C6orf132: variants seen among roughly 807,000 people sequenced by gnomAD.
C6orf132 encodes the protein chromosome 6 open reading frame 132.
Under a neutral mutation model 65.3 loss-of-function variants are expected in C6orf132, and 43 were observed. That is an observed-to-expected ratio of 0.66 (90% CI 0.52 to 0.85). The LOEUF is 0.85. Ranked by LOEUF, C6orf132 falls within the 40% of genes least tolerant of loss-of-function variation. The pLI is 0.00. For synonymous variants in C6orf132, 631 were observed against 654.1 expected (o/e 0.96, Z 0.54); for missense variants, 1,488 against 1,548.8 (o/e 0.96, Z 0.66).
rs58496089 is a variant in C6orf132 at position 42,102,221 on chromosome 6, CTTTTTTTTTTTTT to C, written c.*1527_*1539del. On this transcript the variant is annotated 3_prime_UTR_variant, in exon 5 of 5. Coordinates refer to ENST00000341865, the MANE Select transcript of C6orf132 (RefSeq NM_001164446.3). ...CCCTACTGATAGGTCTCCCCTGCTC[CTTTTTTTTTTTTT>C]TTTTTTTTTTTTGAGACGAGTCTCG... 3 of 92,182 alleles carry C rather than the reference CTTTTTTTTTTTTT, an allele frequency of 3.3e-5. No homozygotes were observed. The highest frequency in any genetic ancestry group is 2.6e-4 in the Admixed American group (2 of 7,790). The allele number at this position is 92,182 out of a possible 1,614,324, so 5.7% of individuals were successfully genotyped here.
At chr6:42,134,050 G>A (rs1766900362) in intron 1 of C6orf132, among the ~76,000 whole-genome samples, 1 of 152,160 alleles carries the variant, frequency 6.6e-6, no homozygotes, top group Non-Finnish European at 1.5e-5. Context: ...GGGCAGCAGA[G>A]TTGTGGCTGA....
intron 3 of C6orf132, among the ~76,000 whole-genome samples, chr6:42,108,638 A>G (rs1167383845): frequency 6.6e-6 from 1 of 152,212 alleles, no homozygotes; most frequent in Non-Finnish European, 1.5e-5. Flanking sequence ...GGACTGCAGA[A>G]TAGAACAGGG....
At position 42,103,298 on chromosome 6, in the gene C6orf132, C is replaced by G; in HGVS notation, c.*463G>C. 1 of 368,734 alleles carries G rather than the reference C, an allele frequency of 2.7e-6. No individual in the cohort carries two copies. Among genetic ancestry groups the G allele is most frequent in the Non-Finnish European group, 4.6e-6 (1 of 219,080 alleles). 22.8% of individuals were successfully genotyped at this position (368,734 alleles called of 1,614,324 possible). Reference sequence around the variant, plus strand: ...CTCCCTTCGGTGCCCTGCACACCCACCAGACAGAGCTGGGCCTCAGCCCTT... The same window carrying G: ...CTCCCTTCGGTGCCCTGCACACCCAGCAGACAGAGCTGGGCCTCAGCCCTT... On this transcript the variant is annotated 3_prime_UTR_variant, in exon 5 of 5. Transcript: ENST00000341865.
At chr6:42,118,382 G>A (rs1175024408) in intron 2 of C6orf132, among the ~76,000 whole-genome samples, 1 of 152,192 alleles carries the variant, frequency 6.6e-6, no homozygotes, top group Non-Finnish European at 1.5e-5. Context: ...GACTGCTGCA[G>A]TCAGCTGGGG....
intron 1 of C6orf132, among the ~76,000 whole-genome samples, chr6:42,138,138 A>C (rs969571604): frequency 6.6e-6 from 1 of 152,116 alleles, no homozygotes. Flanking sequence ...ATTTGAAATT[A>C]ATTAAATTAA....
rs1766342736 is a variant in C6orf132, at chr6:42,104,048, G to A, written c.3450-170C>T. ...AGGGACCGCAGACATCACAAACAGG[G>A]CTCCCATTCTGGTCTGGGCCCTGCT... On this transcript the variant is annotated intron_variant, in intron 4 of 4. Coordinates refer to ENST00000341865, the MANE Select transcript of C6orf132 (RefSeq NM_001164446.3). This position sits in a 1 kb window ranked among gnomAD's most constrained non-coding sequence, Gnocchi z 4.1. Among the ~76,000 whole-genome samples, 1 of 152,198 alleles carries A rather than the reference G, an allele frequency of 6.6e-6. No individual in the cohort carries two copies. Among genetic ancestry groups the A allele is most frequent in the Non-Finnish European group, 1.5e-5 (1 of 68,024 alleles).
rs1275261647 is a variant in C6orf132 at position 42,105,404 on chromosome 6, G to GC, written c.2507dup (p.Ser837LeufsTer34). 1.3e-6 allele frequency: 2 copies of GC among 1,535,488 alleles called. No homozygotes were observed. The highest frequency in any genetic ancestry group is 2.7e-5 in the African/African-American group (2 of 73,036). ...CCGCCAGGAGCAGGGCCATCGGCGA[G>GC]CCCCGCTCCACCACCTCCCCAGTCA... On this transcript the variant is annotated frameshift_variant, in exon 4 of 5. Transcript: ENST00000341865. LOFTEE classifies it high-confidence loss of function.
At chr6:42,123,454 AAGGAGAAGGAGAAGAAGGAGAAGG>A (rs1562038677) in intron 2 of C6orf132, among the ~76,000 whole-genome samples, 5 of 56,082 alleles carry the variant, frequency 8.9e-5, no homozygotes, top group African/African-American at 3.5e-4. Context: ...GAAGGAGAAG[AAGGAGAAGGAGAAGAAGGAGAAGG>A]AGAAGAAGAA....
chr6:42,134,950 G>A (rs1475058377), intron 1 of C6orf132, among the ~76,000 whole-genome samples: 3 of 152,112 alleles, frequency 2.0e-5, no homozygotes, highest in African/African-American at 7.2e-5. Context: ...GTAGTGAGCT[G>A]AGATTGCGCC....
intron 1 of C6orf132, among the ~76,000 whole-genome samples, chr6:42,135,612 T>C (rs146893639): frequency 2.5e-3 from 374 of 152,356 alleles, no homozygotes; most frequent in African/African-American, 7.7e-3. Context: ...CCATGGAAGC[T>C]GAGGTCAGAA....
Position 42,110,269 on chromosome 6 carries a change from A to G in C6orf132, c.275T>C (p.Leu92Pro). 1 of 1,549,090 alleles carries G rather than the reference A, an allele frequency of 6.5e-7. No homozygotes were observed. Among genetic ancestry groups the G allele is most frequent in the Non-Finnish European group, 8.7e-7 (1 of 1,146,058 alleles). The change falls in exon 3 of 5, where the codon CTG (leucine) becomes CCG (proline). Residue 92 changes from leucine to proline, a missense_variant. By Grantham distance (98) the Leu-to-Pro change is moderately conservative. Transcript: ENST00000341865. ...TGGAACCGAGGGGGTGGGCACAGCC[A>G]GCCCATGGTTTTCCTGGGCATTCTG... is the stretch of plus-strand genomic sequence containing the variant. ...LPLNAQENHG[L>P]AVPTPSVPDD...
At chr6:42,107,949 C>T (rs566820089) in intron 3 of C6orf132, among the ~76,000 whole-genome samples, 3 of 152,298 alleles carry the variant, frequency 2.0e-5, no homozygotes, top group East Asian at 3.9e-4. Flanking sequence ...CTCCTGGCTG[C>T]GTCACAGGTT....
At chr6:42,119,599 G>A (rs1474707866) in intron 2 of C6orf132, among the ~76,000 whole-genome samples, 7 of 151,540 alleles carry the variant, frequency 4.6e-5, no homozygotes, top group East Asian at 4.0e-4. Flanking sequence ...CACCCACCTC[G>A]GCCTCCCAAA....
At chr6:42,130,384 C>T (rs375390840) in intron 1 of C6orf132, among the ~76,000 whole-genome samples, 2 of 152,222 alleles carry the variant, frequency 1.3e-5, no homozygotes, top group Non-Finnish European at 2.9e-5. Flanking sequence ...ACAGCCACCA[C>T]GAAAGCCCCC....
chr6:42,103,120 G>C lies in C6orf132; in HGVS notation c.*641C>G, dbSNP rs1025379083. ...CCTCTGCCCTTGGCCAATGCAAAGG[G>C]CTTCCATTCCACATGTGGGAGCTTC... On this transcript the variant is annotated 3_prime_UTR_variant, in exon 5 of 5. Transcript: ENST00000341865. The C allele has an allele frequency of 1.3e-5, 5 of 398,630 alleles. No individual in the cohort carries two copies. Among genetic ancestry groups the C allele is most frequent in the Non-Finnish European group, 2.2e-5 (5 of 226,154 alleles). The allele number at this position is 398,630 out of a possible 1,614,324, so 24.7% of individuals were successfully genotyped here.
At chr6:42,107,914 C>T (rs141459618) in intron 3 of C6orf132, among the ~76,000 whole-genome samples, 2 of 152,264 alleles carry the variant, frequency 1.3e-5, no homozygotes, top group East Asian at 3.9e-4. Context: ...GACAAGAGGG[C>T]CAGGGCACTG....
intron 2 of C6orf132, among the ~76,000 whole-genome samples, chr6:42,119,077 A>G (rs1436580835): frequency 3.4e-3 from 496 of 147,032 alleles, no homozygotes; most frequent in Non-Finnish European, 6.1e-3. Context: ...AAAAAAAAAA[A>G]AAAAAAAGAA....
At chr6:42,138,574 AC>A (rs1301285138) in intron 1 of C6orf132, among the ~76,000 whole-genome samples, 1 of 152,210 alleles carries the variant, frequency 6.6e-6, no homozygotes, top group Admixed American at 6.5e-5. Flanking sequence ...GGCGTGAGCC[AC>A]CGCCCAGCCC....
At chr6:42,115,763 T>G (rs1039374513) in intron 2 of C6orf132, among the ~76,000 whole-genome samples, 5 of 152,090 alleles carry the variant, frequency 3.3e-5, no homozygotes, top group African/African-American at 1.2e-4. Flanking sequence ...GAAAAAGTGT[T>G]GGGGGCAACT....
Sources: gnomAD v4.1 joint callset for allele counts (sites outside exome capture counted in the v4.1 genomes callset) on GRCh38, gnomAD v4.1.1 for gene constraint, Gnocchi (gnomAD v3.1) non-coding constraint, MANE v1.5 for transcripts, NCBI Gene and HGNC (gene_info 2026-07-23, HGNC 2026-07-21) for gene names.